IGF2R: variants seen among roughly 807,000 people sequenced by gnomAD.
IGF2R encodes the protein cation-independent mannose-6-phosphate receptor.
A neutral mutation model predicts 270.6 loss-of-function variants in IGF2R; 91 were observed. The observed-to-expected ratio is 0.34, with a 90% CI of 0.28 to 0.40. IGF2R has a LOEUF of 0.40. Among genes scored for constraint, IGF2R ranks in the 10% least tolerant of loss-of-function variants. The pLI is 1.00. For missense variants in IGF2R, 2,805 were observed against 3,188.3 expected (o/e 0.88, Z 2.90); for synonymous variants, 1,316 against 1,258.9 (o/e 1.05, Z -0.96).
At chr6:160,064,291 G>A in intron 27 of IGF2R, 110 bp from the exon 28 acceptor site, 2 of 1,244,182 alleles carry the variant, frequency 1.6e-6, no homozygotes, top group Admixed American at 1.7e-5. Flanking sequence ...GGGAGGCCAG[G>A]GATACTTTGT....
rs1161780508 is a variant in IGF2R at position 160,063,543 on chromosome 6, T to G, written c.3799T>G (p.Ser1267Ala). Residue 1267 changes from serine to alanine, a missense_variant, in exon 27 of 48, where the codon TCA (serine) becomes GCA (alanine). Physicochemically the swap from Ser to Ala is moderately conservative, Grantham distance 99 (BLOSUM62 1). Coordinates refer to ENST00000356956, the MANE Select transcript of IGF2R (RefSeq NM_000876.4). ...YYFRVCGKLS[S>A]DVCPTSDKSK... ...CTTCCGGGTCTGTGGGAAGCTTTCC[T>G]CAGACGTCTGCCCCACAAGTGACAA... 4.3e-6 allele frequency: 7 copies of G among 1,614,112 alleles called. No homozygotes were observed.
chr6:160,056,192 C>T (rs1378986810), intron 19 of IGF2R, among the ~76,000 whole-genome samples: 3 of 152,154 alleles, frequency 2.0e-5, no homozygotes, highest in Admixed American at 6.5e-5. Context: ...ACTGCTGGCA[C>T]GATTTCTATA....
At chr6:160,078,570 C>T (rs188174841) in intron 37 of IGF2R, among the ~76,000 whole-genome samples, 10 of 152,278 alleles carry the variant, frequency 6.6e-5, no homozygotes, top group Non-Finnish European at 1.3e-4. Flanking sequence ...CTGACACTTG[C>T]GTTGTACCTC....
intron 17 of IGF2R, 121 bp from the exon 18 acceptor site, chr6:160,048,254 G>T: frequency 1.1e-6 from 1 of 942,408 alleles, no homozygotes; most frequent in Non-Finnish European, 1.7e-6. Context: ...CCAACTCCTG[G>T]TAGTGTGATT....
chr6:160,054,673 C>G (rs1226056761), intron 19 of IGF2R, among the ~76,000 whole-genome samples: 1 of 152,068 alleles, frequency 6.6e-6, no homozygotes, highest in Non-Finnish European at 1.5e-5. Flanking sequence ...CTCTGGAGTC[C>G]CCTTGGCTAA....
chr6:160,100,689 A>G (rs1334709272), intron 45 of IGF2R, among the ~76,000 whole-genome samples: 1 of 130,564 alleles, frequency 7.7e-6, no homozygotes, highest in South Asian at 2.8e-4. Flanking sequence ...ACTTTAGCAA[A>G]AATTAACCAC....
At chr6:159,971,643 C>G (rs1237435150) in intron 1 of IGF2R, among the ~76,000 whole-genome samples, 1 of 152,140 alleles carries the variant, frequency 6.6e-6, no homozygotes, top group East Asian at 1.9e-4. Flanking sequence ...AACTTCCTGT[C>G]TGTTCCTGTT....
chr6:160,038,338 C>G (rs1777870590), intron 10 of IGF2R, among the ~76,000 whole-genome samples: 1 of 152,150 alleles, frequency 6.6e-6, no homozygotes, highest in Non-Finnish European at 1.5e-5. Context: ...AATATCAACC[C>G]AAGTGGTTTG....
At chr6:160,101,519 G>A (rs1225703429) in intron 45 of IGF2R, among the ~76,000 whole-genome samples, 1 of 152,248 alleles carries the variant, frequency 6.6e-6, no homozygotes, top group Non-Finnish European at 1.5e-5. Context: ...CTTTGAGAGC[G>A]GCAGCCCTTG....
chr6:159,989,911 A>G (rs563734903), intron 1 of IGF2R, among the ~76,000 whole-genome samples: 1 of 152,348 alleles, frequency 6.6e-6, no homozygotes, highest in Non-Finnish European at 1.5e-5. Context: ...TTTTGTCCCA[A>G]GTATACTGAT....
chr6:160,072,726 C>A lies in IGF2R; in HGVS notation c.4571-39C>A, dbSNP rs756588511. On this transcript the variant is annotated intron_variant, in intron 32 of 47. Coordinates refer to ENST00000356956, the MANE Select transcript of IGF2R (RefSeq NM_000876.4). ...TGATGAGCCTCCCAAGTCTCAGCTC[C>A]CTGGAGTCACTGTGTCCCCATCTTC... The A allele has an allele frequency of 1.9e-6, 3 of 1,613,742 alleles. No individual in the cohort carries two copies. The South Asian group carries it at 3.3e-5, about 18-fold the overall frequency.
intron 41 of IGF2R, 137 bp from the exon 42 acceptor site, chr6:160,087,896 T>G (rs1779129769): frequency 3.2e-6 from 2 of 619,584 alleles, no homozygotes; most frequent in East Asian, 2.9e-5. Context: ...GGCTGGTCTC[T>G]AACTCCTGAC....
At chr6:159,975,684 TTA>T (rs34536101) in intron 1 of IGF2R, among the ~76,000 whole-genome samples, 44 of 141,718 alleles carry the variant, frequency 3.1e-4, no homozygotes, top group African/African-American at 4.7e-4. Flanking sequence ...TTATATATAT[TTA>T]TATATATATA....
chr6:160,092,640 T>C (rs1368957444), intron 44 of IGF2R, among the ~76,000 whole-genome samples: 1 of 152,206 alleles, frequency 6.6e-6, no homozygotes, highest in African/African-American at 2.4e-5. Flanking sequence ...CTGTCTCTCA[T>C]CAGGACGTGG....
chr6:160,037,936 G>A (rs1419128894), intron 10 of IGF2R, among the ~76,000 whole-genome samples: 19 of 152,074 alleles, frequency 1.2e-4, no homozygotes, highest in Admixed American at 1.2e-3. Context: ...TTTTTTCCAG[G>A]CCAGAAATAA....
intron 11 of IGF2R, 90 bp from the exon 12 acceptor site, chr6:160,043,058 C>G: frequency 7.1e-7 from 1 of 1,408,208 alleles, no homozygotes; most frequent in Non-Finnish European, 9.8e-7. Flanking sequence ...GAACTTTGAG[C>G]CCTTGACTTT....
rs1477519235 is a variant in IGF2R, at chr6:159,988,460, C to T, written c.150-2724C>T. Among the ~76,000 whole-genome samples the T allele has an allele frequency of 3.0e-5, 4 of 131,924 alleles. 1 individual carries two copies. Among genetic ancestry groups the T allele is most frequent in the Admixed American group, 1.9e-4 (2 of 10,564 alleles). 86.5% of individuals were successfully genotyped at this position (131,924 alleles called of 152,430 possible). On this transcript the variant is annotated intron_variant, in intron 1 of 47. Coordinates refer to ENST00000356956, the MANE Select transcript of IGF2R (RefSeq NM_000876.4). ...CCCGGGAGGTGGAGCTTGCAATGAG[C>T]GGAGATTGCGCCACTGCACTCCAGC...
chr6:160,073,289 G>A lies in IGF2R; in HGVS notation c.4767G>A (p.Gln1589=), dbSNP rs753461516. The A allele has an allele frequency of 1.9e-6, 3 of 1,614,246 alleles. No homozygotes were observed. In the South Asian group the frequency reaches 3.3e-5, roughly 18 times the overall value. ...KRLRYVDQVL[Q]LVYKDGSPCP... ...TGAGATACGTGGACCAGGTCCTGCA[G>A]CTGGTGTACAAGGATGGGTCCCCTT... is the stretch of plus-strand genomic sequence containing the variant. The change falls in exon 34 of 48, where the codon CAG becomes CAA. Residue 1589 remains glutamine (Q), a synonymous_variant. Transcript: ENST00000356956.
At chr6:159,970,333 C>T (rs1436845549) in intron 1 of IGF2R, among the ~76,000 whole-genome samples, 1 of 152,132 alleles carries the variant, frequency 6.6e-6, no homozygotes, top group Non-Finnish European at 1.5e-5. Context: ...GAACAGACAA[C>T]AGTTTCTCCC....
Sources: gnomAD v4.1 joint callset for allele counts (sites outside exome capture counted in the v4.1 genomes callset) on GRCh38, gnomAD v4.1.1 for gene constraint, MANE v1.5 for transcripts, NCBI Gene and HGNC (gene_info 2026-07-23, HGNC 2026-07-21) for gene names.